The following JARID2 variants were observed in gnomAD, a reference collection of about 807,000 sequenced individuals.
JARID2 encodes protein Jumonji.
A neutral mutation model predicts 125.6 loss-of-function variants in JARID2; 21 were observed. The observed-to-expected ratio is 0.17, with a 90% CI of 0.12 to 0.24. The LOEUF is 0.24. Ranked by LOEUF, JARID2 falls within the 10% of genes least tolerant of loss-of-function variation. The pLI, the probability that JARID2 is intolerant of heterozygous loss-of-function variation, is 1.00. For synonymous variants in JARID2, 736 were observed against 661.6 expected, an observed-to-expected ratio of 1.11 and a Z score of -1.73; for missense variants, 1,303 against 1,639.6, an observed-to-expected ratio of 0.79 and a Z score of 3.55.
In JARID2 at chr6:15,414,160, G is replaced by A. The variant is rs114654948; in HGVS notation, c.323+3795G>A. 3.1e-3 allele frequency among the ~76,000 whole-genome samples: 473 copies of A among 152,228 alleles called. 1 individual carries two copies. Among genetic ancestry groups the A allele is most frequent in the African/African-American group, 0.011 (454 of 41,536 alleles). The stretch of plus-strand genomic sequence containing the variant: ...GGGAAGACTGAGAGGGATTGTATGT[G>A]CTTGACTTCCTTCTTATGGAAAATA... On this transcript the variant is annotated intron_variant, in intron 3 of 17. Transcript: ENST00000341776.
chr6:15,286,865 A>G (rs1052999366), intron 1 of JARID2, among the ~76,000 whole-genome samples: 1 of 151,528 alleles, frequency 6.6e-6, no homozygotes, highest in African/African-American at 2.4e-5. Context: ...CCATCTCAAA[A>G]AAAAAAAAAG....
intron 3 of JARID2, among the ~76,000 whole-genome samples, chr6:15,424,852 T>C (rs779528964): frequency 1.3e-5 from 2 of 152,070 alleles, no homozygotes; most frequent in Admixed American, 6.6e-5. Flanking sequence ...AGAGCAAAAC[T>C]CTGTCTCAAA....
chr6:15,329,058 A>G (rs1762621958), intron 1 of JARID2, among the ~76,000 whole-genome samples: 1 of 152,088 alleles, frequency 6.6e-6, no homozygotes, highest in Non-Finnish European at 1.5e-5. Flanking sequence ...CTGTACACCT[A>G]TTGTAAACCC....
rs374374426 is a variant in JARID2 at position 15,508,837 on chromosome 6, T to C, written c.2846+383T>C. 1.1e-3 allele frequency: 666 copies of C among 583,950 alleles called. 5 individuals carry two copies. The highest frequency in any genetic ancestry group is 6.5e-3 in the South Asian group (344 of 52,616). The allele number at this position is 583,950 out of a possible 1,614,324, so 36.2% of individuals were successfully genotyped here. A position where few individuals can be genotyped will look rare whatever the true frequency, so the allele number is the denominator to read the frequency against. Reference sequence around the variant, plus strand: ...TTTTCTTGTGGATTTCCAAGAGTTATTTTCACCTTAGGGTTAAGGAACAGT... The same window carrying C: ...TTTTCTTGTGGATTTCCAAGAGTTACTTTCACCTTAGGGTTAAGGAACAGT... On this transcript the variant is annotated intron_variant, in intron 12 of 17. Coordinates refer to ENST00000341776, the MANE Select transcript of JARID2 (RefSeq NM_004973.4).
chr6:15,339,792 C>T (rs896974488), intron 1 of JARID2, among the ~76,000 whole-genome samples: 1 of 152,228 alleles, frequency 6.6e-6, no homozygotes, highest in South Asian at 2.1e-4. Flanking sequence ...TCGTCGGCCT[C>T]CCAAAGTGGT....
chr6:15,400,564 C>T (rs932570865), intron 2 of JARID2, among the ~76,000 whole-genome samples: 1 of 151,946 alleles, frequency 6.6e-6, no homozygotes, highest in Non-Finnish European at 1.5e-5. Flanking sequence ...ATGTCCCCCT[C>T]CCCCCATATG....
At position 15,459,425 on chromosome 6, in the gene JARID2, GAA is replaced by G. The variant is rs1458717123; in HGVS notation, c.493+7256_493+7257del. On this transcript the variant is annotated intron_variant, in intron 4 of 17. Coordinates refer to ENST00000341776, the MANE Select transcript of JARID2 (RefSeq NM_004973.4). The stretch of plus-strand genomic sequence containing the variant: ...ATATTGTTTAGAGAATAATTACAAG[GAA>G]AAAAAGAGTCTGTATGTGTTCAGTA... Among the ~76,000 whole-genome samples the G allele has an allele frequency of 2.6e-5, 4 of 151,870 alleles. No individual in the cohort carries two copies. In the East Asian group the frequency reaches 5.8e-4, roughly 22 times the overall value.
rs1769181602 is a variant in JARID2 at position 15,473,514 on chromosome 6, G to GGGCCCCCCCC, written c.670+4796_670+4797insGGCCCCCCCC. 8.6e-5 allele frequency among the ~76,000 whole-genome samples: 3 copies of GGGCCCCCCCC among 35,000 alleles called. 1 individual carries two copies. The highest frequency in any genetic ancestry group is 1.4e-4 in the African/African-American group (2 of 13,924). The allele number at this position is 35,000 out of a possible 152,430, so 23.0% of individuals were successfully genotyped here. ...GTCTCCCTTGTCTTCTGATGTGCGT[G>GGGCCCCCCCC]CCCCCCCCCCCCCCCCGCTTTGTGT... On this transcript the variant is annotated intron_variant, in intron 5 of 17. Coordinates refer to ENST00000341776, the MANE Select transcript of JARID2 (RefSeq NM_004973.4).
chr6:15,256,755 G>T (rs1336055687), intron 1 of JARID2, among the ~76,000 whole-genome samples: 2 of 152,104 alleles, frequency 1.3e-5, no homozygotes, highest in African/African-American at 4.8e-5. Context: ...TGGTCTCCTC[G>T]CACTTTATTT....
At chr6:15,451,517 G>GCCCT (rs1199385760) in intron 3 of JARID2, among the ~76,000 whole-genome samples, 1 of 152,170 alleles carries the variant, frequency 6.6e-6, no homozygotes, top group Non-Finnish European at 1.5e-5. Context: ...GGACACTGAT[G>GCCCT]GCTAAATAGG....
intron 1 of JARID2, among the ~76,000 whole-genome samples, chr6:15,300,247 C>A (rs1285150456): frequency 6.6e-6 from 1 of 152,120 alleles, no homozygotes; most frequent in Admixed American, 6.5e-5. Flanking sequence ...GACCTTTTCT[C>A]TTGTAAACAC....
intron 1 of JARID2, among the ~76,000 whole-genome samples, chr6:15,293,537 TTTAGTAAACAC>T (rs1761302463): frequency 6.6e-6 from 1 of 152,240 alleles, no homozygotes; most frequent in African/African-American, 2.4e-5. Context: ...TTTCTATTTA[TTTAGTAAACAC>T]TGAGTTCTTA....
At chr6:15,246,985 G>A (rs937434115) in intron 1 of JARID2, among the ~76,000 whole-genome samples, 1 of 152,198 alleles carries the variant, frequency 6.6e-6, no homozygotes, top group Non-Finnish European at 1.5e-5. Context: ...TGGAAAAATC[G>A]TGTAACGCAT....
At chr6:15,487,275 G>A (rs1769919428) in intron 5 of JARID2, 32 bp from the exon 6 acceptor site, 2 of 1,581,864 alleles carry the variant, frequency 1.3e-6, no homozygotes, top group African/African-American at 2.7e-5. Context: ...TCAAGGTAGT[G>A]ATTTCATTCT....
At chr6:15,418,128 C>T (rs1013008411) in intron 3 of JARID2, among the ~76,000 whole-genome samples, 1 of 151,738 alleles carries the variant, frequency 6.6e-6, no homozygotes, top group Non-Finnish European at 1.5e-5. Context: ...TCCATCGTGG[C>T]TGCTCATGCA....
At chr6:15,505,999 C>A (rs971178049) in intron 9 of JARID2, among the ~76,000 whole-genome samples, 4 of 152,232 alleles carry the variant, frequency 2.6e-5, no homozygotes, top group Non-Finnish European at 5.9e-5. Context: ...ATCCATGATG[C>A]GCAAGAAAAC....
chr6:15,261,487 T>C (rs1759875479), intron 1 of JARID2, among the ~76,000 whole-genome samples: 1 of 151,312 alleles, frequency 6.6e-6, no homozygotes, highest in African/African-American at 2.4e-5. Flanking sequence ...CCACCTAAAT[T>C]TTGTGTTTTT....
intron 1 of JARID2, among the ~76,000 whole-genome samples, chr6:15,249,949 T>G (rs546761440): frequency 1.3e-5 from 2 of 152,324 alleles, no homozygotes; most frequent in East Asian, 1.9e-4. Context: ...GCTCTAGAGA[T>G]ATTTTCTGCC....
chr6:15,460,871 A>G (rs1561877733), intron 4 of JARID2, among the ~76,000 whole-genome samples: 1 of 151,942 alleles, frequency 6.6e-6, no homozygotes, highest in Non-Finnish European at 1.5e-5. Context: ...CACCCAGCTA[A>G]TTTTTGTATT....
Sources: allele counts gnomAD v4.1 joint callset (sites outside exome capture counted in the v4.1 genomes callset), GRCh38; gene constraint gnomAD v4.1.1; transcripts MANE v1.5; gene names NCBI Gene and HGNC (gene_info 2026-07-23, HGNC 2026-07-21).